Variants in GATAD2A observed in about 807,000 individuals in gnomAD.
GATAD2A encodes the protein GATA zinc finger domain containing 2A, also known as transcriptional repressor p66-alpha.
In GATAD2A, 12 loss-of-function variants were observed where a neutral mutation model predicts 68.5. The observed-to-expected ratio is 0.18, with a 90% CI of 0.11 to 0.28. The LOEUF (loss-of-function observed/expected upper bound fraction) is 0.28. GATAD2A is among the 10% of genes least tolerant of loss of function. The pLI is 1.00. For missense variants in GATAD2A, 755 were observed against 868.5 expected (o/e 0.87, Z 1.64); for synonymous variants, 410 against 375.3 (o/e 1.09, Z -1.07).
At chr19:19,419,313 G>GC (rs1365378771) in intron 1 of GATAD2A, among the ~76,000 whole-genome samples, 2 of 152,128 alleles carry the variant, frequency 1.3e-5, no homozygotes, top group Non-Finnish European at 2.9e-5. Flanking sequence ...GATCCTTCCA[G>GC]CCCCTTCCTG....
intron 1 of GATAD2A, among the ~76,000 whole-genome samples, chr19:19,408,707 GCGAGGAATCCCTC>G (rs1323023719): frequency 6.6e-6 from 1 of 152,152 alleles, no homozygotes; most frequent in Non-Finnish European, 1.5e-5. Flanking sequence ...CTTCGACACT[GCGAGGAATCCCTC>G]CTCAGTAGAG....
intron 2 of GATAD2A, among the ~76,000 whole-genome samples, chr19:19,476,985 C>T (rs10404656): frequency 0.076 from 11,518 of 152,200 alleles, 1,491 homozygotes; most frequent in African/African-American, 0.26. Context: ...CAGCCTGGAT[C>T]GGCCATGTAC....
chr19:19,491,962 GT>G (rs2059821963), intron 2 of GATAD2A, among the ~76,000 whole-genome samples: 2 of 152,334 alleles, frequency 1.3e-5, no homozygotes, highest in East Asian at 3.9e-4. Flanking sequence ...CGAGCCGAGT[GT>G]TTACCTGATC....
At chr19:19,401,748 A>G (rs1351248801), upstream of GATAD2A, among the ~76,000 whole-genome samples, 1 of 151,990 alleles carries the variant, frequency 6.6e-6, no homozygotes, top group Non-Finnish European at 1.5e-5. Context: ...AAAAAAAAGG[A>G]AAAGAAAAAG....
intron 1 of GATAD2A, among the ~76,000 whole-genome samples, chr19:19,395,013 T>C (rs576011292): frequency 5.8e-4 from 88 of 152,002 alleles, no homozygotes; most frequent in South Asian, 6.2e-4. Flanking sequence ...AGGCCGGAAG[T>C]GGGCGTGGAC....
At chr19:19,494,890 T>C (rs1393035368) in intron 5 of GATAD2A, among the ~76,000 whole-genome samples, 1 of 152,148 alleles carries the variant, frequency 6.6e-6, no homozygotes, top group Non-Finnish European at 1.5e-5. Flanking sequence ...TTGGTGGGAC[T>C]CACTCAGGAG....
At chr19:19,423,962 A>G (rs2052745629) in intron 1 of GATAD2A, among the ~76,000 whole-genome samples, 1 of 152,224 alleles carries the variant, frequency 6.6e-6, no homozygotes, top group Non-Finnish European at 1.5e-5. Context: ...TTGCTCTGTC[A>G]TCCTGGCTGG....
intron 1 of GATAD2A, among the ~76,000 whole-genome samples, chr19:19,437,718 G>A (rs1468596700): frequency 4.6e-5 from 7 of 152,116 alleles, no homozygotes; most frequent in Non-Finnish European, 7.3e-5. Flanking sequence ...TTCTGTTAGC[G>A]TGGTTCATCC....
intron 1 of GATAD2A, among the ~76,000 whole-genome samples, chr19:19,451,300 G>C (rs1219992324): frequency 6.6e-6 from 1 of 152,108 alleles, no homozygotes; most frequent in Non-Finnish European, 1.5e-5. Flanking sequence ...GGAATCACTT[G>C]AACCCAGGAG....
At chr19:19,388,967 G>A (rs1239226843) in intron 1 of GATAD2A, among the ~76,000 whole-genome samples, 5 of 152,158 alleles carry the variant, frequency 3.3e-5, no homozygotes, top group African/African-American at 1.2e-4. Flanking sequence ...AGAAACAGGG[G>A]AAGGGAGGCA....
At position 19,506,165 on chromosome 19, in the gene GATAD2A, A is replaced by T. The variant is rs2060858159; in HGVS notation, c.*691A>T. ...TGACTGACAGATGCAGGGATGGCCG[A>T]GGCAGCCCTCGCTCCAGCTGAACGC... On this transcript the variant is annotated 3_prime_UTR_variant, in exon 12 of 12. Transcript: ENST00000683918. 5.0e-6 allele frequency: 2 copies of T among 398,506 alleles called. No homozygotes were observed. The highest frequency in any genetic ancestry group is 4.1e-5 in the African/African-American group (2 of 48,514). 24.7% of individuals were successfully genotyped at this position (398,506 alleles called of 1,614,324 possible).
chr19:19,466,852 G>A (rs914105421), intron 2 of GATAD2A, among the ~76,000 whole-genome samples: 1 of 152,200 alleles, frequency 6.6e-6, no homozygotes, highest in Non-Finnish European at 1.5e-5. Context: ...CTTTCTCTAT[G>A]TTTTCAGCCA....
intron 2 of GATAD2A, among the ~76,000 whole-genome samples, chr19:19,473,638 T>A (rs1232350496): frequency 6.6e-6 from 1 of 151,974 alleles, no homozygotes; most frequent in Non-Finnish European, 1.5e-5. Flanking sequence ...TGCGTGCCCA[T>A]CATTAAAATG....
chr19:19,406,963 CCTTAT>C (rs1370886558), intron 1 of GATAD2A, among the ~76,000 whole-genome samples: 1 of 152,326 alleles, frequency 6.6e-6, no homozygotes, highest in East Asian at 1.9e-4. Flanking sequence ...TATAGTTCAT[CCTTAT>C]CTTAAGAGCT....
chr19:19,464,056 C>T (rs144947183), intron 1 of GATAD2A, among the ~76,000 whole-genome samples: 141 of 152,326 alleles, frequency 9.3e-4, no homozygotes, highest in African/African-American at 3.1e-3. Flanking sequence ...GTGCTGCCCC[C>T]AGCTTCCAGA....
intron 1 of GATAD2A, among the ~76,000 whole-genome samples, chr19:19,439,043 C>T (rs2054682819): frequency 6.6e-6 from 1 of 152,244 alleles, no homozygotes; most frequent in Admixed American, 6.5e-5. Context: ...TGGGGTGTCC[C>T]CATTCCTGTC....
At chr19:19,421,694 T>C (rs1014498877) in intron 1 of GATAD2A, among the ~76,000 whole-genome samples, 1 of 152,174 alleles carries the variant, frequency 6.6e-6, no homozygotes, top group African/African-American at 2.4e-5. Flanking sequence ...ATGGGCTCTG[T>C]GTGGCAGAGT....
In GATAD2A at chr19:19,502,315, C is replaced by T. The variant is rs749484714; in HGVS notation, c.1579-16C>T. The T allele has an allele frequency of 1.3e-6, 2 of 1,589,898 alleles. No individual in the cohort carries two copies. Among genetic ancestry groups the T allele is most frequent in the African/African-American group, 1.3e-5 (1 of 74,416 alleles). On this transcript the variant is annotated splice_polypyrimidine_tract_variant and intron_variant, in intron 10 of 11. Transcript: ENST00000683918. Reference sequence around the variant, plus strand: ...TTTTCCCTGCATGAGCCGTCACCCCCCTTTCTCCACTGCAGGCCTCCAGCC... The same window carrying T: ...TTTTCCCTGCATGAGCCGTCACCCCTCTTTCTCCACTGCAGGCCTCCAGCC...
intron 5 of GATAD2A, among the ~76,000 whole-genome samples, 155 bp downstream of exon 5, chr19:19,494,538 C>G (rs1462438316): frequency 6.6e-6 from 1 of 152,184 alleles, no homozygotes; most frequent in Non-Finnish European, 1.5e-5. Flanking sequence ...AGCCCACAGC[C>G]TAGGGGAAGA....
Sources: allele counts gnomAD v4.1 joint callset (sites outside exome capture counted in the v4.1 genomes callset), GRCh38; gene constraint gnomAD v4.1.1; transcripts MANE v1.5; gene names NCBI Gene and HGNC (gene_info 2026-07-23, HGNC 2026-07-21).